The following FTSJ3 variants were observed in gnomAD, a reference collection of about 807,000 sequenced individuals.
FTSJ3 encodes the protein pre-rRNA 2'-O-ribose RNA methyltransferase FTSJ3.
A neutral mutation model predicts 111.5 loss-of-function variants in FTSJ3; 46 were observed. The ratio of observed to expected loss-of-function variants is 0.41; its 90% CI spans 0.33 to 0.53. The LOEUF (loss-of-function observed/expected upper bound fraction) is 0.53, where lower values mean the gene tolerates loss of function less well. Among genes scored for constraint, FTSJ3 ranks in the 20% least tolerant of loss-of-function variants. FTSJ3 has a pLI of 0.19. For missense variants in FTSJ3, 1,075 were observed against 1,063.8 expected (o/e 1.01, Z -0.15); for synonymous variants, 408 against 383.0 (o/e 1.07, Z -0.76).
chr17:63,825,643 G>GAAGAA lies in FTSJ3; in HGVS notation c.301-13_301-9dup. 1 of 1,609,270 alleles carries GAAGAA rather than the reference G, an allele frequency of 6.2e-7. No individual in the cohort carries two copies. Among genetic ancestry groups the GAAGAA allele is most frequent in the Non-Finnish European group, 8.5e-7 (1 of 1,176,096 alleles). ...CAGCTCCTTCCTCAGGGCCTAAAGA[G>GAAGAA]AAGAAAAGGAACTATGGAAACAGAA... On this transcript the variant is annotated splice_polypyrimidine_tract_variant and intron_variant, in intron 5 of 20. Transcript: ENST00000427159.
intron 13 of FTSJ3, among the ~76,000 whole-genome samples, chr17:63,823,040 C>G (rs1231364734): frequency 6.6e-6 from 1 of 152,142 alleles, no homozygotes; most frequent in African/African-American, 2.4e-5. Flanking sequence ...CCCTCCTGTA[C>G]AACAAAGATG....
At position 63,827,561 on chromosome 17, in the gene FTSJ3, G is replaced by GGAGC; in HGVS notation, c.-540_-537dup. 6.4e-7 allele frequency: 1 copy of GGAGC among 1,551,478 alleles called. No homozygotes were observed. The highest frequency in any genetic ancestry group is 8.7e-7 in the Non-Finnish European group (1 of 1,146,930). The stretch of plus-strand genomic sequence containing the variant: ...CCCGGCAGGTTACGGGGCTGGGTGC[G>GGAGC]GAGCGAGCGTGATCTGAGTGGAGAG... On this transcript the variant is annotated 5_prime_UTR_variant, in exon 1 of 21. It removes the in-frame stop codon of an upstream open reading frame in the 5' UTR. Coordinates refer to ENST00000427159, the MANE Select transcript of FTSJ3 (RefSeq NM_017647.4).
At chr17:63,823,981 C>T (rs183632393) in intron 12 of FTSJ3, 29 bp from the exon 13 acceptor site, 56 of 1,614,042 alleles carry the variant, frequency 3.5e-5, no homozygotes, top group African/African-American at 5.3e-5. Flanking sequence ...GGAGTAAAAC[C>T]GGCCCAGCTC....
In FTSJ3 at chr17:63,820,394, A is replaced by C. The variant is rs780786739; in HGVS notation, c.2117T>G (p.Val706Gly). Reference protein sequence around the residue: ...EDEGELPEWFVQEEKQHRIRQ... With the variant: ...EDEGELPEWFGQEEKQHRIRQ... Reference sequence around the variant, plus strand: ...TATCCGGTGCTGCTTTTCCTCTTGCACAAACCACTCCGGAAGCTCCCCCTC... The same window carrying C: ...TATCCGGTGCTGCTTTTCCTCTTGCCCAAACCACTCCGGAAGCTCCCCCTC... The change falls in exon 19 of 21, where the codon GTG becomes GGG. Residue 706 changes from valine (V) to glycine (G), a missense_variant. Transcript: ENST00000427159. The C allele has an allele frequency of 6.2e-7, 1 of 1,614,026 alleles. No individual in the cohort carries two copies.
chr17:63,823,422 C>T (rs532794489), intron 13 of FTSJ3, among the ~76,000 whole-genome samples: 6 of 152,166 alleles, frequency 3.9e-5, no homozygotes, highest in South Asian at 4.2e-4. Context: ...GGTGAAACCC[C>T]GTCTCTACTA....
chr17:63,825,464 C>T, intron 6 of FTSJ3, 28 bp from the exon 7 acceptor site: 1 of 1,613,182 alleles, frequency 6.2e-7, no homozygotes, highest in African/African-American at 1.3e-5. Flanking sequence ...TTAGTTGACG[C>T]ACTCTGCAGC....
At position 63,824,336 on chromosome 17, in the gene FTSJ3, G is replaced by A. The variant is rs137929596; in HGVS notation, c.993C>T (p.Asp331=). 6.2e-7 allele frequency: 1 copy of A among 1,614,016 alleles called. No homozygotes were observed. The highest frequency in any genetic ancestry group is 8.5e-7 in the Non-Finnish European group (1 of 1,180,008). ...KKLKEQAKAL[D]ISLSSGEEDE... ...TCGCTGCGTTCTCTCCTCACCTGAT[G>A]TCCAGTGCCTTTGCTTGTTCTTTCA... The change falls in exon 11 of 21, where the codon GAC becomes GAT. Residue 331 remains aspartate, a synonymous_variant. Coordinates refer to ENST00000427159, the MANE Select transcript of FTSJ3 (RefSeq NM_017647.4).
rs367736350 is a variant in FTSJ3 at position 63,821,709 on chromosome 17, C to T, written c.1596+14G>A. The T allele has an allele frequency of 6.3e-5, 101 of 1,614,212 alleles. No individual in the cohort carries two copies. Among genetic ancestry groups the T allele is most frequent in the Non-Finnish European group, 7.8e-5 (92 of 1,180,020 alleles). ...ACTCATCTCCCCGCAGTCTTGCCCC[C>T]GGCCTCTCCTTACCTTTGAGAACCA... On this transcript the variant is annotated intron_variant, in intron 15 of 20. Transcript: ENST00000427159.
chr17:63,824,420 G>A lies in FTSJ3; in HGVS notation c.918-9C>T, dbSNP rs374054785. Reference sequence around the variant, plus strand: ...TCCAGTTTAGTAGCGACCTGCCCCAGAGATACTATTACTGATCTTGCCATC... The same window carrying A: ...TCCAGTTTAGTAGCGACCTGCCCCAAAGATACTATTACTGATCTTGCCATC... On this transcript the variant is annotated splice_polypyrimidine_tract_variant and intron_variant, in intron 10 of 20. Transcript: ENST00000427159. 8.1e-6 allele frequency: 13 copies of A among 1,613,490 alleles called. No homozygotes were observed. The highest frequency in any genetic ancestry group is 1.1e-5 in the Non-Finnish European group (13 of 1,179,504).
Position 63,819,808 on chromosome 17 carries a change from C to T in FTSJ3, c.2538G>A (p.Arg846=), listed in dbSNP as rs757087696. 1.9e-6 allele frequency: 3 copies of T among 1,612,100 alleles called. No homozygotes were observed. Among genetic ancestry groups the T allele is most frequent in the African/African-American group, 2.7e-5 (2 of 74,804 alleles). Residue 846 remains arginine, a synonymous_variant, in exon 21 of 21, where the codon CGG becomes CGA. Transcript: ENST00000427159. ...QRKEQKKKHK[R]K ...GGGAGCCTGGCAGCTCTGCTTACTT[C>T]CGTTTGTGTTTTTTCTTTTGTTCCT... is the stretch of plus-strand genomic sequence containing the variant.
chr17:63,827,193 T>A lies in FTSJ3; in HGVS notation c.-168A>T. ...TGGCCCTAGATTGTTCTCAATACTC[T>A]GTCCTTGGGTTTTGTAAGTTGAAAG... On this transcript the variant is annotated 5_prime_UTR_variant, in exon 1 of 21. Coordinates refer to ENST00000427159, the MANE Select transcript of FTSJ3 (RefSeq NM_017647.4). 1.7e-6 allele frequency: 1 copy of A among 604,102 alleles called. No individual in the cohort carries two copies. The highest frequency in any genetic ancestry group is 2.9e-6 in the Non-Finnish European group (1 of 341,138). The allele number at this position is 604,102 out of a possible 1,614,324, so 37.4% of individuals were successfully genotyped here. A position where few individuals can be genotyped will look rare whatever the true frequency, so the allele number is the denominator to read the frequency against.
chr17:63,820,225 C>CCCCCCCA, intron 19 of FTSJ3, 30 bp downstream of exon 19: 1 of 1,607,096 alleles, frequency 6.2e-7, no homozygotes, highest in Non-Finnish European at 8.5e-7. Flanking sequence ...ACCCCCACCC[C>CCCCCCCA]ACCCAATCTC....
rs768385795 is a variant in FTSJ3, at chr17:63,822,077, T to G, written c.1382A>C (p.Glu461Ala). The change falls in exon 14 of 21, where the codon GAG becomes GCG. Residue 461 changes from glutamate (E) to alanine (A), a missense_variant. Coordinates refer to ENST00000427159, the MANE Select transcript of FTSJ3 (RefSeq NM_017647.4). ...PRDDIYVSDV[E>A]DDGDDTSLDS... Reference sequence around the variant, plus strand: ...CAGAGATGTGTCATCACCGTCGTCCTCAACATCTGACACATAGATATCATC... The same window carrying G: ...CAGAGATGTGTCATCACCGTCGTCCGCAACATCTGACACATAGATATCATC... The G allele has an allele frequency of 9.3e-6, 15 of 1,614,068 alleles. No homozygotes were observed. The East Asian group carries it at 3.1e-4, about 34-fold the overall frequency.
At chr17:63,823,634 C>T (rs1020172255) in intron 13 of FTSJ3, 183 bp downstream of exon 13, 6 of 659,122 alleles carry the variant, frequency 9.1e-6, no homozygotes, top group African/African-American at 3.6e-5. Context: ...CATCTATCTA[C>T]CTAACTCATC....
In FTSJ3 at chr17:63,826,038, G is replaced by T; in HGVS notation, c.300+18C>A. The T allele has an allele frequency of 6.3e-7, 1 of 1,578,662 alleles. No homozygotes were observed. Among genetic ancestry groups the T allele is most frequent in the Non-Finnish European group, 8.7e-7 (1 of 1,151,874 alleles). ...TGTTTCCGTATAAAGGGGGAAGGAAGAGAGAGACTCCTATTACCTGCCTAC... is the reference window on the plus strand; with the variant it reads ...TGTTTCCGTATAAAGGGGGAAGGAATAGAGAGACTCCTATTACCTGCCTAC... On this transcript the variant is annotated intron_variant, in intron 5 of 20. Transcript: ENST00000427159.
Position 63,821,391 on chromosome 17 carries a change from C to G in FTSJ3, c.1849G>C (p.Asp617His). ...LEGEEKDGIS[D>H]SDSSTSSEEE... ...TCACTGCTAGTACTGCTATCACTGT[C>G]TGAGATGCCATCCTTTTCTTCCCCT... Residue 617 changes from aspartate (D) to histidine (H), a missense_variant, in exon 16 of 21, where the codon GAC becomes CAC. By Grantham distance (81) the Asp-to-His change is moderately conservative (BLOSUM62 -1). This residue lies in a region of FTSJ3 where 867 missense variants were observed against 796.9 expected (regional missense o/e 1.09). Coordinates refer to ENST00000427159, the MANE Select transcript of FTSJ3 (RefSeq NM_017647.4). 1 of 1,613,728 alleles carries G rather than the reference C, an allele frequency of 6.2e-7. No homozygotes were observed. The highest frequency in any genetic ancestry group is 8.5e-7 in the Non-Finnish European group (1 of 1,179,970).
At position 63,821,440 on chromosome 17, in the gene FTSJ3, C is replaced by T; in HGVS notation, c.1800G>A (p.Gly600=). The T allele has an allele frequency of 6.2e-7, 1 of 1,614,148 alleles. No individual in the cohort carries two copies. The highest frequency in any genetic ancestry group is 8.5e-7 in the Non-Finnish European group (1 of 1,180,008). ...CTTCAAGGCCAGTGGCAGCTTCTGT[C>T]CCCGAAGAAGCCTCTGTTCCCTTAG... is the stretch of plus-strand genomic sequence containing the variant. ...EAPKGTEASS[G]TEAATGLEGE... is the part of the protein sequence containing the mutation. The change falls in exon 16 of 21, where the codon GGG becomes GGA. Residue 600 remains glycine, a synonymous_variant. Transcript: ENST00000427159.
In FTSJ3 at chr17:63,821,611, A is replaced by G. The variant is rs551444725; in HGVS notation, c.1629T>C (p.Asp543=). 19 of 1,613,528 alleles carry G rather than the reference A, an allele frequency of 1.2e-5. No individual in the cohort carries two copies. Among genetic ancestry groups the G allele is most frequent in the East Asian group, 2.2e-5 (1 of 44,868 alleles). ...GGGCCTGACTGATCTCCAGGGCCTC[A>G]TCGGCATCGTCCTCGATCCCAGCAA... ...GSFAGIEDDA[D]EALEISQAQL... Residue 543 remains aspartate, a synonymous_variant, in exon 16 of 21, where the codon GAT becomes GAC. Transcript: ENST00000427159.
rs1567751654 is a variant in FTSJ3, at chr17:63,821,356, C to G, written c.1884G>C (p.Glu628Asp). 4 of 1,603,760 alleles carry G rather than the reference C, an allele frequency of 2.5e-6. No homozygotes were observed. The highest frequency in any genetic ancestry group is 2.6e-6 in the Non-Finnish European group (3 of 1,174,406). ...TTCTCTCAGCTGCAACTACTCACCTCTCTTCTTCCTCACTGCTAGTACTGC... is the reference window on the plus strand; with the variant it reads ...TTCTCTCAGCTGCAACTACTCACCTGTCTTCTTCCTCACTGCTAGTACTGC... ...SDSSTSSEEE[E>D]SWEPLRGKKR... The change falls in exon 16 of 21, where the codon GAG becomes GAC. Residue 628 changes from glutamate (E) to aspartate (D), a missense_variant and splice_region_variant. Coordinates refer to ENST00000427159, the MANE Select transcript of FTSJ3 (RefSeq NM_017647.4).
Sources: gnomAD v4.1 joint callset for allele counts (sites outside exome capture counted in the v4.1 genomes callset) on GRCh38, gnomAD v4.1.1 for gene constraint, gnomAD v4.1.1 regional missense constraint, MANE v1.5 for transcripts, NCBI Gene and HGNC (gene_info 2026-07-23, HGNC 2026-07-21) for gene names.